KCNMA1: variants seen among roughly 807,000 people sequenced by gnomAD.
The protein encoded by KCNMA1 is potassium calcium-activated channel subfamily M alpha 1.
A neutral mutation model predicts 140.0 loss-of-function variants in KCNMA1; 29 were observed. The ratio of observed to expected loss-of-function variants is 0.21; its 90% CI spans 0.15 to 0.28. KCNMA1 has a LOEUF of 0.28. KCNMA1 is among the 10% of genes least tolerant of loss of function. The probability of loss-of-function intolerance (pLI) is 1.00; values close to 1 mark genes in which losing one functional copy is unlikely to be tolerated. For missense variants in KCNMA1, 880 were observed against 1,602.2 expected (o/e 0.55, Z 7.70); for synonymous variants, 612 against 611.9 (o/e 1.00, Z 0.00).
At chr10:77,404,594 C>T (rs543244129) in intron 1 of KCNMA1, among the ~76,000 whole-genome samples, 14 of 152,294 alleles carry the variant, frequency 9.2e-5, no homozygotes, top group African/African-American at 2.2e-4. Flanking sequence ...CAAGAGGAAA[C>T]GCAATCTGTC....
At chr10:77,621,048 G>A (rs2091206546) in intron 1 of KCNMA1, among the ~76,000 whole-genome samples, 1 of 152,150 alleles carries the variant, frequency 6.6e-6, no homozygotes, top group South Asian at 2.1e-4. Context: ...TTTGTCTCCT[G>A]CTTCCAAATA....
intron 2 of KCNMA1, among the ~76,000 whole-genome samples, chr10:77,362,741 C>T (rs548504668): frequency 1.3e-5 from 2 of 152,158 alleles, no homozygotes; most frequent in East Asian, 3.9e-4. Context: ...GGAGTCTCCC[C>T]TGGACTATCA....
chr10:77,553,677 GC>G (rs2063404390), intron 1 of KCNMA1, among the ~76,000 whole-genome samples: 2 of 152,348 alleles, frequency 1.3e-5, no homozygotes, highest in South Asian at 4.1e-4. Flanking sequence ...CCCAGGGGAT[GC>G]CCCATCAGGG....
intron 20 of KCNMA1, among the ~76,000 whole-genome samples, chr10:76,960,890 A>C (rs1054063223): frequency 1.3e-5 from 2 of 151,946 alleles, no homozygotes; most frequent in African/African-American, 4.8e-5. Context: ...CTGCTCAGAG[A>C]AAAAGATTTC....
At chr10:77,492,351 A>G (rs2040254036) in intron 1 of KCNMA1, among the ~76,000 whole-genome samples, 2 of 152,170 alleles carry the variant, frequency 1.3e-5, no homozygotes, top group Non-Finnish European at 2.9e-5. Context: ...CTGATTCCCC[A>G]TAATGAAAGA....
chr10:76,970,173 G>A (rs2075605906), intron 19 of KCNMA1, 106 bp from the exon 20 acceptor site: 1 of 874,044 alleles, frequency 1.1e-6, no homozygotes, highest in South Asian at 1.4e-5. Flanking sequence ...CACTCACTAG[G>A]AATTCATGGC....
intron 5 of KCNMA1, among the ~76,000 whole-genome samples, chr10:77,131,271 C>T (rs1711019112): frequency 6.6e-6 from 1 of 152,162 alleles, no homozygotes; most frequent in Non-Finnish European, 1.5e-5. Context: ...ACAAAGACAG[C>T]ATTCACATAT....
intron 1 of KCNMA1, among the ~76,000 whole-genome samples, chr10:77,463,603 G>T (rs2097919585): frequency 6.6e-6 from 1 of 152,192 alleles, no homozygotes; most frequent in Non-Finnish European, 1.5e-5. Flanking sequence ...GTGGTTTATT[G>T]CTCCAAGAGG....
intron 1 of KCNMA1, among the ~76,000 whole-genome samples, chr10:77,587,542 T>C (rs945675800): frequency 2.0e-5 from 3 of 152,024 alleles, no homozygotes; most frequent in African/African-American, 7.2e-5. Flanking sequence ...CTCAGAGAGA[T>C]CAAAGAAAAC....
chr10:77,003,077 C>T (rs2087032719), intron 18 of KCNMA1, among the ~76,000 whole-genome samples: 2 of 152,130 alleles, frequency 1.3e-5, no homozygotes, highest in African/African-American at 2.4e-5. Flanking sequence ...ACCTTTATGA[C>T]TTGCCATACA....
chr10:77,224,818 C>T (rs1565331759), intron 3 of KCNMA1, among the ~76,000 whole-genome samples: 1 of 152,142 alleles, frequency 6.6e-6, no homozygotes, highest in African/African-American at 2.4e-5. Flanking sequence ...GATGACAGCA[C>T]CCATCTCACA....
At chr10:77,183,378 G>A (rs1201186190) in intron 5 of KCNMA1, 43 bp downstream of exon 5, 2 of 1,332,710 alleles carry the variant, frequency 1.5e-6, no homozygotes, top group Non-Finnish European at 2.2e-6. Flanking sequence ...CTTCAGCCAT[G>A]ACTCAGGAAC....
chr10:76,887,160 AAG>A lies in KCNMA1; in HGVS notation c.*104_*105del, dbSNP rs869107901. The A allele has an allele frequency of 6.2e-7, 1 of 1,610,804 alleles. No homozygotes were observed. Among genetic ancestry groups the A allele is most frequent in the Non-Finnish European group, 8.5e-7 (1 of 1,179,632 alleles). Reference sequence around the variant, plus strand: ...ACATATGCAAATATGTGTAAAAAAAAAGGGGGGGACTACAGGGGAAAACAGGG... The same window carrying A: ...ACATATGCAAATATGTGTAAAAAAAAGGGGGGACTACAGGGGAAAACAGGG... On this transcript the variant is annotated 3_prime_UTR_variant, in exon 28 of 28. Coordinates refer to ENST00000286628, the MANE Select transcript of KCNMA1 (RefSeq NM_001161352.2).
intron 13 of KCNMA1, among the ~76,000 whole-genome samples, chr10:77,074,812 C>G (rs1046649968): frequency 6.6e-6 from 1 of 152,134 alleles, no homozygotes; most frequent in African/African-American, 2.4e-5. Context: ...ATCAGAGAGC[C>G]CTTCTAAGTC....
intron 2 of KCNMA1, among the ~76,000 whole-genome samples, chr10:77,306,565 T>A (rs2154338911): frequency 6.6e-6 from 1 of 152,302 alleles, no homozygotes; most frequent in Middle Eastern, 3.4e-3. Flanking sequence ...ATAATAAGAT[T>A]AGGTTTTCTT....
intron 23 of KCNMA1, among the ~76,000 whole-genome samples, chr10:76,943,858 C>G (rs1012237290): frequency 6.6e-6 from 1 of 152,134 alleles, no homozygotes; most frequent in African/African-American, 2.4e-5. Context: ...AGACACTTGC[C>G]AAGCTATCAA....
At chr10:77,036,509 G>T (rs1346819160) in intron 15 of KCNMA1, among the ~76,000 whole-genome samples, 2 of 152,224 alleles carry the variant, frequency 1.3e-5, no homozygotes, top group Non-Finnish European at 2.9e-5. Flanking sequence ...GCTTTAAGAT[G>T]TTATTGGCTG....
intron 2 of KCNMA1, among the ~76,000 whole-genome samples, chr10:77,391,435 A>C (rs2095817739): frequency 6.6e-6 from 1 of 152,190 alleles, no homozygotes; most frequent in Non-Finnish European, 1.5e-5. Context: ...CTTGGTGCTT[A>C]AGAGGCTTGG....
intron 5 of KCNMA1, among the ~76,000 whole-genome samples, chr10:77,137,189 T>G (rs2574793): frequency 0.37 from 56,063 of 151,906 alleles, 11,641 homozygotes; most frequent in East Asian, 0.88. Context: ...TTCATACATG[T>G]GAGGTCTCGG....
Sources: allele counts gnomAD v4.1 joint callset (sites outside exome capture counted in the v4.1 genomes callset), GRCh38; gene constraint gnomAD v4.1.1; transcripts MANE v1.5; gene names NCBI Gene and HGNC (gene_info 2026-07-23, HGNC 2026-07-21).